Variants in NXPE2 observed in about 807,000 individuals in gnomAD.
NXPE2 encodes the protein neurexophilin and PC-esterase domain family member 2.
A neutral mutation model predicts 34.4 loss-of-function variants in NXPE2; 34 were observed. The observed-to-expected ratio is 0.99, with a 90% CI of 0.75 to 1.31. NXPE2 has a LOEUF of 1.31. Among genes scored for constraint, NXPE2 ranks in the 40% most tolerant of loss-of-function variants. The pLI, the probability that NXPE2 is intolerant of heterozygous loss-of-function variation, is 0.00. For synonymous variants in NXPE2, 235 were observed against 231.3 expected (o/e 1.02, Z -0.15); for missense variants, 649 against 672.5 (o/e 0.97, Z 0.39).
At chr11:114,727,774 A>AACACACACAAACACACACACACAC in the NXPE2 span, among the ~76,000 whole-genome samples, 70 of 127,626 alleles carry the variant, frequency 5.5e-4, no homozygotes, top group South Asian at 2.6e-3. Context: ...ATGTGTACAC[A>AACACACACAAACACACACACACAC]ACACACACAC....
the NXPE2 span, among the ~76,000 whole-genome samples, chr11:114,488,839 G>A: frequency 1.3e-5 from 2 of 151,956 alleles, no homozygotes; most frequent in Admixed American, 6.6e-5. Context: ...GCTAGCAGAA[G>A]GCAAGAAATA....
the NXPE2 span, among the ~76,000 whole-genome samples, chr11:114,645,224 C>T: frequency 6.6e-6 from 1 of 151,996 alleles, no homozygotes; most frequent in South Asian, 2.1e-4. Context: ...TCACTTGAAC[C>T]CGAGAGGCAG....
At chr11:114,803,257 G>C in the NXPE2 span, among the ~76,000 whole-genome samples, 1 of 152,076 alleles carries the variant, frequency 6.6e-6, no homozygotes. Context: ...CACACTTCAG[G>C]GGACTAAGAA....
the NXPE2 span, among the ~76,000 whole-genome samples, chr11:114,761,598 G>T: frequency 8.2e-6 from 1 of 122,242 alleles, no homozygotes; most frequent in African/African-American, 3.2e-5. Context: ...ACGGAGTCTC[G>T]CTCTGTCGCC....
chr11:114,532,358 C>A, the NXPE2 span, among the ~76,000 whole-genome samples: 1 of 151,812 alleles, frequency 6.6e-6, no homozygotes, highest in South Asian at 2.1e-4. Context: ...CCTTTTGGTT[C>A]TCTGGAAAAT....
the NXPE2 span, among the ~76,000 whole-genome samples, chr11:114,470,735 G>C: frequency 6.6e-6 from 1 of 152,044 alleles, no homozygotes; most frequent in Non-Finnish European, 1.5e-5. Flanking sequence ...AGATGATGCA[G>C]TCTCAAGTCC....
At chr11:114,771,337 T>C in the NXPE2 span, among the ~76,000 whole-genome samples, 5 of 150,410 alleles carry the variant, frequency 3.3e-5, no homozygotes, top group Non-Finnish European at 5.9e-5. Flanking sequence ...CTCCAGGTCC[T>C]AAGTGACAGC....
chr11:114,543,718 T>C, the NXPE2 span, among the ~76,000 whole-genome samples: 26 of 152,080 alleles, frequency 1.7e-4, no homozygotes, highest in African/African-American at 5.8e-4. Context: ...AACAATGTAG[T>C]GGAAGTCCTA....
At chr11:114,590,387 C>CCCCT in the NXPE2 span, among the ~76,000 whole-genome samples, 7 of 152,104 alleles carry the variant, frequency 4.6e-5, no homozygotes, top group East Asian at 1.9e-4. Flanking sequence ...TTCCTCCTTC[C>CCCCT]CCCTCCCTAA....
rs1565392348 is a variant in NXPE2 at position 114,705,892 on chromosome 11, A to G, written c.1040A>G (p.Asn347Ser). Residue 347 changes from asparagine to serine, a missense_variant, in exon 5 of 6, where the codon AAT becomes AGT. Transcript: ENST00000389586. ...GCATTTTGTAAACAGATCAAGTTCA[A>G]TGAAACAAAAAATATAAATGACTGC... ...ITAFCKQIKF[N>S]ETKNINDCLE... 1.9e-6 allele frequency: 3 copies of G among 1,543,786 alleles called. No homozygotes were observed. Among genetic ancestry groups the G allele is most frequent in the Non-Finnish European group, 2.6e-6 (3 of 1,143,360 alleles).
the NXPE2 span, among the ~76,000 whole-genome samples, chr11:114,592,743 C>T: frequency 1.6e-4 from 24 of 152,148 alleles, no homozygotes; most frequent in Non-Finnish European, 2.4e-4. Flanking sequence ...GCAAAAAGAA[C>T]AAAGCTGAAG....
chr11:114,635,478 C>G, the NXPE2 span, among the ~76,000 whole-genome samples: 3 of 151,888 alleles, frequency 2.0e-5, no homozygotes, highest in African/African-American at 7.3e-5. Flanking sequence ...CGTAATTGCC[C>G]TGGCCAGAAC....
chr11:114,482,051 A>G, the NXPE2 span, among the ~76,000 whole-genome samples: 6 of 152,114 alleles, frequency 3.9e-5, no homozygotes, highest in East Asian at 1.2e-3. Context: ...AGAATGAAAG[A>G]TGGATTAAAG....
At chr11:114,699,786 C>G (rs1018108207) in intron 3 of NXPE2, among the ~76,000 whole-genome samples, 4 of 131,024 alleles carry the variant, frequency 3.1e-5, no homozygotes, top group African/African-American at 1.2e-4. Context: ...CTACTTTTCA[C>G]CATTCATTCA....
chr11:114,489,149 A>G, the NXPE2 span, among the ~76,000 whole-genome samples: 1 of 152,298 alleles, frequency 6.6e-6, no homozygotes, highest in South Asian at 2.1e-4. Context: ...CCCTCCCAAG[A>G]CTAAACCAGG....
At chr11:114,464,377 T>C in the NXPE2 span, among the ~76,000 whole-genome samples, 1 of 152,170 alleles carries the variant, frequency 6.6e-6, no homozygotes, top group Non-Finnish European at 1.5e-5. Flanking sequence ...AATATGAAAA[T>C]CATTACTGAC....
chr11:114,483,675 C>T, the NXPE2 span, among the ~76,000 whole-genome samples: 1 of 152,142 alleles, frequency 6.6e-6, no homozygotes, highest in Non-Finnish European at 1.5e-5. Context: ...AGTTCCCATC[C>T]CAGGCAATAG....
At chr11:114,503,875 G>A in the NXPE2 span, among the ~76,000 whole-genome samples, 483 of 152,354 alleles carry the variant, frequency 3.2e-3, 8 homozygotes, top group African/African-American at 0.011. Context: ...ACATCAGACA[G>A]GGCTGGTCTA....
At chr11:114,648,064 T>C in the NXPE2 span, among the ~76,000 whole-genome samples, 3 of 152,258 alleles carry the variant, frequency 2.0e-5, no homozygotes, top group East Asian at 3.9e-4. Flanking sequence ...ATATAAGACA[T>C]ATATTGAGTC....
Sources: allele counts gnomAD v4.1 joint callset (sites outside exome capture counted in the v4.1 genomes callset), GRCh38; gene constraint gnomAD v4.1.1; transcripts MANE v1.5; gene names NCBI Gene and HGNC (gene_info 2026-07-23, HGNC 2026-07-21).